The following LRBA variants were observed in gnomAD, a reference collection of about 807,000 sequenced individuals.
LRBA encodes the protein LPS responsive beige-like anchor protein, also known as lipopolysaccharide-responsive and beige-like anchor protein.
A neutral mutation model predicts 330.0 loss-of-function variants in LRBA; 176 were observed. The observed-to-expected ratio is 0.53, with a 90% confidence interval of 0.47 to 0.60. The LOEUF is 0.60. LRBA is among the 20% of genes least tolerant of loss of function. LRBA has a pLI of 0.00. For synonymous variants in LRBA, 1,230 were observed against 1,193.0 expected, an observed-to-expected ratio of 1.03 and a Z score of -0.64; for missense variants, 3,259 against 3,444.8, an observed-to-expected ratio of 0.95 and a Z score of 1.35.
chr4:150,301,625 T>G (rs1729693168), intron 53 of LRBA, among the ~76,000 whole-genome samples: 1 of 152,084 alleles, frequency 6.6e-6, no homozygotes, highest in Non-Finnish European at 1.5e-5. Flanking sequence ...CATACAAATA[T>G]TATACATTTA....
At chr4:150,961,836 A>G (rs558389212) in intron 2 of LRBA, among the ~76,000 whole-genome samples, 2 of 149,846 alleles carry the variant, frequency 1.3e-5, no homozygotes, top group Non-Finnish European at 2.9e-5. Flanking sequence ...TTATCACACC[A>G]TAATAATAGC....
intron 53 of LRBA, among the ~76,000 whole-genome samples, chr4:150,294,267 TAC>T (rs1210375208): frequency 1.3e-5 from 2 of 152,212 alleles, no homozygotes; most frequent in Non-Finnish European, 2.9e-5. Flanking sequence ...CTCAGTATAA[TAC>T]AGTTGTCTTT....
intron 4 of LRBA, among the ~76,000 whole-genome samples, chr4:150,925,439 T>A (rs1167011212): frequency 3.9e-5 from 6 of 152,218 alleles, no homozygotes; most frequent in Non-Finnish European, 8.8e-5. Context: ...AAGTGAATTA[T>A]TAAATCACTG....
chr4:150,942,284 C>T (rs1312063766), intron 2 of LRBA, among the ~76,000 whole-genome samples: 1 of 152,182 alleles, frequency 6.6e-6, no homozygotes, highest in African/African-American at 2.4e-5. Context: ...TTGTAAAAAA[C>T]TATGTCCATG....
At position 150,398,199 on chromosome 4, in the gene LRBA, T is replaced by C. The variant is rs527622792; in HGVS notation, c.7194+17239A>G. 2.6e-5 allele frequency among the ~76,000 whole-genome samples: 4 copies of C among 152,218 alleles called. No individual in the cohort carries two copies. In the East Asian group the frequency reaches 7.7e-4, roughly 29 times the overall value. ...CTAAATAAGCATGGGACTAACAAAG[T>C]ACAATGTATGAAAGATTTTACTTAG... On this transcript the variant is annotated intron_variant, in intron 47 of 56. Transcript: ENST00000651943.
chr4:150,576,159 G>GTT (rs761830232), intron 40 of LRBA, among the ~76,000 whole-genome samples: 30 of 58,678 alleles, frequency 5.1e-4, no homozygotes, highest in African/African-American at 1.3e-3. Context: ...GTTCAAACTG[G>GTT]TTTTTAAAAA....
chr4:150,847,559 C>A (rs1750009890), intron 26 of LRBA, among the ~76,000 whole-genome samples: 1 of 152,094 alleles, frequency 6.6e-6, no homozygotes, highest in African/African-American at 2.4e-5. Flanking sequence ...TTTCCACTTC[C>A]ATGTTATGTT....
chr4:151,000,700 AG>A (rs910434513), intron 2 of LRBA, among the ~76,000 whole-genome samples: 1 of 152,258 alleles, frequency 6.6e-6, no homozygotes, highest in African/African-American at 2.4e-5. Context: ...TTTAAAACTT[AG>A]GAACTGTCAA....
At chr4:150,276,308 A>G (rs1746756377) in intron 56 of LRBA, among the ~76,000 whole-genome samples, 1 of 152,240 alleles carries the variant, frequency 6.6e-6, no homozygotes, top group Admixed American at 6.5e-5. Flanking sequence ...ACTTAAACGT[A>G]AGGCCTAAAA....
At chr4:150,555,756 A>ACACACACACACACACACAC (rs1767227376) in intron 40 of LRBA, among the ~76,000 whole-genome samples, 1 of 144,610 alleles carries the variant, frequency 6.9e-6, no homozygotes, top group South Asian at 2.3e-4. Flanking sequence ...GTCTTATAAA[A>ACACACACACACACACACAC]ACACACACAC....
Position 150,872,690 on chromosome 4 carries a change from C to A in LRBA, c.2231G>T (p.Gly744Val). ...GIRVQALKAM[G>V]YFLKHLAPKR... ...TGGGGCCAGATGTTTTAAAAAATAA[C>A]CCATTGCCTTAAGAGCTTGTACCCT... The change falls in exon 18 of 57, where the codon GGT becomes GTT. Residue 744 changes from glycine to valine, a missense_variant. By Grantham distance (109) the Gly-to-Val change is moderately radical. Coordinates refer to ENST00000651943, the MANE Select transcript of LRBA (RefSeq NM_001364905.1). 3 of 1,609,986 alleles carry A rather than the reference C, an allele frequency of 1.9e-6. No individual in the cohort carries two copies. Among genetic ancestry groups the A allele is most frequent in the Non-Finnish European group, 2.5e-6 (3 of 1,177,556 alleles).
intron 2 of LRBA, among the ~76,000 whole-genome samples, chr4:151,007,654 G>C (rs927079657): frequency 6.6e-6 from 1 of 151,684 alleles, no homozygotes; most frequent in Non-Finnish European, 1.5e-5. Context: ...TCAGGAGATC[G>C]AGACCATCCT....
intron 2 of LRBA, among the ~76,000 whole-genome samples, chr4:150,998,745 A>G (rs949491063): frequency 2.6e-5 from 4 of 152,182 alleles, no homozygotes; most frequent in African/African-American, 9.6e-5. Flanking sequence ...TTGGTAATAC[A>G]AGGTTGCTTT....
At chr4:150,843,771 GATT>G (rs1749445143) in intron 28 of LRBA, among the ~76,000 whole-genome samples, 2 of 152,106 alleles carry the variant, frequency 1.3e-5, no homozygotes, top group African/African-American at 4.8e-5. Flanking sequence ...ATGTGCCTTA[GATT>G]ATTCATCTAT....
intron 26 of LRBA, among the ~76,000 whole-genome samples, chr4:150,846,577 AG>A (rs925511043): frequency 2.0e-5 from 3 of 151,728 alleles, no homozygotes; most frequent in Non-Finnish European, 4.4e-5. Flanking sequence ...CAGAAGGATG[AG>A]GGGGTGAGGG....
chr4:150,900,334 C>A, intron 13 of LRBA, 117 bp from the exon 14 acceptor site: 2 of 645,822 alleles, frequency 3.1e-6, no homozygotes, highest in Non-Finnish European at 5.2e-6. Context: ...GATGCTGAGC[C>A]TGATAATAAT....
At chr4:150,492,523 T>C (rs1046819174) in intron 40 of LRBA, among the ~76,000 whole-genome samples, 1 of 152,160 alleles carries the variant, frequency 6.6e-6, no homozygotes, top group Non-Finnish European at 1.5e-5. Context: ...ATACCACCAG[T>C]TGGTCTATGG....
At chr4:150,510,454 T>C (rs955018827) in intron 40 of LRBA, among the ~76,000 whole-genome samples, 18 of 152,192 alleles carry the variant, frequency 1.2e-4, no homozygotes, top group African/African-American at 4.1e-4. Flanking sequence ...TTTGTAAAAT[T>C]TCTCTGTCTT....
At chr4:150,825,523 C>G (rs997961549) in intron 30 of LRBA, among the ~76,000 whole-genome samples, 1 of 152,072 alleles carries the variant, frequency 6.6e-6, no homozygotes, top group Non-Finnish European at 1.5e-5. Context: ...CCCGCCACCA[C>G]GCGTAGATAA....
Sources: allele counts gnomAD v4.1 joint callset (sites outside exome capture counted in the v4.1 genomes callset), GRCh38; gene constraint gnomAD v4.1.1; transcripts MANE v1.5; gene names NCBI Gene and HGNC (gene_info 2026-07-23, HGNC 2026-07-21).